The following MRAP2 variants were observed in gnomAD, a reference collection of about 807,000 sequenced individuals.
MRAP2 encodes melanocortin-2 receptor accessory protein 2.
A neutral mutation model predicts 17.4 loss-of-function variants in MRAP2; 20 were observed. That is an observed-to-expected ratio of 1.15 (90% CI 0.81 to 1.67). The LOEUF is 1.67. Among genes scored for constraint, MRAP2 ranks in the 40% most tolerant of loss-of-function variants. MRAP2 has a pLI of 0.00. For missense variants in MRAP2, 238 were observed against 240.0 expected, an observed-to-expected ratio of 0.99 and a Z score of 0.05; for synonymous variants, 96 against 88.4, an observed-to-expected ratio of 1.09 and a Z score of -0.48.
chr6:84,111,987 G>A, the MRAP2 span, among the ~76,000 whole-genome samples: 6 of 152,302 alleles, frequency 3.9e-5, no homozygotes, highest in East Asian at 1.2e-3. Flanking sequence ...TTTCTGATGT[G>A]CTGCTGGATT....
At chr6:84,037,429 C>T (rs370850834) in intron 1 of MRAP2, among the ~76,000 whole-genome samples, 2,643 of 152,342 alleles carry the variant, frequency 0.017, 49 homozygotes, top group African/African-American at 0.045. Flanking sequence ...GTGGATCCCA[C>T]GCCAGGGCCA....
In MRAP2 at chr6:84,057,660, G is replaced by T. The variant is rs139578713; in HGVS notation, c.127+2215G>T. ...TATATTTATTGAGCACCTGTTATGT[G>T]CAGTACTATTTTAAGCACTGGAGAG... On this transcript the variant is annotated intron_variant, in intron 2 of 3. Transcript: ENST00000257776. 1.6e-3 allele frequency among the ~76,000 whole-genome samples: 238 copies of T among 152,254 alleles called. 1 individual carries two copies. The highest frequency in any genetic ancestry group is 5.4e-3 in the African/African-American group (223 of 41,542).
Position 84,089,160 on chromosome 6 carries a change from G to A in MRAP2, c.297G>A (p.Glu99=). Residue 99 remains glutamate, a synonymous_variant, in exon 4 of 4, where the codon GAG becomes GAA. Transcript: ENST00000257776. ...SFVSDFGRPL[E]PDKVFSRQGN... ...TGTCAGACTTTGGAAGACCTCTGGA[G>A]CCAGATAAAGTATTTTCTCGCCAAG... 6.8e-6 allele frequency: 11 copies of A among 1,614,186 alleles called. No individual in the cohort carries two copies. Among genetic ancestry groups the A allele is most frequent in the Non-Finnish European group, 8.5e-6 (10 of 1,180,038 alleles).
chr6:84,042,706 C>G (rs1423413473), intron 1 of MRAP2, among the ~76,000 whole-genome samples: 13 of 152,166 alleles, frequency 8.5e-5, no homozygotes, highest in Admixed American at 8.5e-4. Flanking sequence ...CCCTTGCACC[C>G]CAAACTCTGG....
intron 1 of MRAP2, chr6:84,045,107 T>G (rs1017592371): frequency 2.2e-6 from 1 of 461,520 alleles, no homozygotes; most frequent in African/African-American, 2.1e-5. Context: ...ATGCAAATAC[T>G]ACACCATTTT....
At chr6:84,053,452 AT>A (rs765729422) in intron 1 of MRAP2, among the ~76,000 whole-genome samples, 3 of 152,044 alleles carry the variant, frequency 2.0e-5, no homozygotes, top group Non-Finnish European at 4.4e-5. Context: ...CCTTTAAGTA[AT>A]TTTTTGTCAT....
intron 3 of MRAP2, among the ~76,000 whole-genome samples, chr6:84,078,166 C>T (rs1481289542): frequency 6.6e-6 from 1 of 152,122 alleles, no homozygotes; most frequent in Non-Finnish European, 1.5e-5. Context: ...AACCCCTGCT[C>T]ATCAAAAGAC....
At chr6:84,145,900 ACTC>A in the MRAP2 span, among the ~76,000 whole-genome samples, 1 of 152,084 alleles carries the variant, frequency 6.6e-6, no homozygotes, top group East Asian at 1.9e-4. Flanking sequence ...TATACAGACT[ACTC>A]CTACCATTAA....
chr6:84,045,982 A>C (rs1392517123), intron 1 of MRAP2, among the ~76,000 whole-genome samples: 1 of 152,090 alleles, frequency 6.6e-6, no homozygotes, highest in Non-Finnish European at 1.5e-5. Flanking sequence ...TTTGTTTGTA[A>C]AGGGGGTGAG....
rs1309628159 is a variant in MRAP2, at chr6:84,062,830, T to G, written c.128-63T>G. 1.9e-6 allele frequency: 3 copies of G among 1,608,198 alleles called. No homozygotes were observed. The Admixed American group carries it at 5.0e-5, about 27-fold the overall frequency. On this transcript the variant is annotated intron_variant, in intron 2 of 3. Transcript: ENST00000257776. ...CCAAAGCCTCTCCAAAAAGCTCTGATTCTTGAATGTTCAAGTTTTAAACTA... is the reference window on the plus strand; with the variant it reads ...CCAAAGCCTCTCCAAAAAGCTCTGAGTCTTGAATGTTCAAGTTTTAAACTA...
intron 3 of MRAP2, among the ~76,000 whole-genome samples, chr6:84,064,107 G>A (rs1162858280): frequency 6.6e-6 from 1 of 151,514 alleles, no homozygotes; most frequent in African/African-American, 2.4e-5. Flanking sequence ...GGACAGGGAA[G>A]AGGGCAACTA....
At chr6:84,141,340 T>C in the MRAP2 span, among the ~76,000 whole-genome samples, 1 of 152,132 alleles carries the variant, frequency 6.6e-6, no homozygotes, top group African/African-American at 2.4e-5. Context: ...AAAGAGGGCA[T>C]AAAAGAGTGT....
At chr6:84,071,520 C>A (rs1205505068) in intron 3 of MRAP2, among the ~76,000 whole-genome samples, 2 of 152,086 alleles carry the variant, frequency 1.3e-5, no homozygotes, top group African/African-American at 4.8e-5. Flanking sequence ...AGATTCTTTC[C>A]TTTGTCTTAA....
the MRAP2 span, among the ~76,000 whole-genome samples, chr6:84,145,133 T>C: frequency 1.3e-5 from 2 of 152,120 alleles, no homozygotes; most frequent in Non-Finnish European, 2.9e-5. Context: ...CTTGGTACCT[T>C]ACATACGAGG....
chr6:84,137,590 CTAA>C, the MRAP2 span, among the ~76,000 whole-genome samples: 2 of 151,666 alleles, frequency 1.3e-5, no homozygotes, highest in African/African-American at 4.8e-5. Context: ...AATGTATATC[CTAA>C]TAATAGAAAA....
At chr6:84,126,453 T>C in the MRAP2 span, 1 of 1,587,762 alleles carries the variant, frequency 6.3e-7, no homozygotes, top group East Asian at 2.3e-5. Context: ...CCACGAAATG[T>C]TTCATCTCTG....
the MRAP2 span, among the ~76,000 whole-genome samples, chr6:84,115,133 T>C: frequency 6.6e-6 from 1 of 152,344 alleles, no homozygotes; most frequent in African/African-American, 2.4e-5. Flanking sequence ...TCTTCAGAGC[T>C]GTCAGGGAGG....
chr6:84,112,495 T>G, the MRAP2 span, among the ~76,000 whole-genome samples: 1 of 152,268 alleles, frequency 6.6e-6, no homozygotes, highest in South Asian at 2.1e-4. Flanking sequence ...CTTCTCTCTC[T>G]TCTTCTTTAT....
rs766547269 is a variant in MRAP2, at chr6:84,062,899, T to C, written c.134T>C (p.Ile45Thr). The change falls in exon 3 of 4, where the codon ATT becomes ACT. Residue 45 changes from isoleucine (I) to threonine (T), a missense_variant. Ile to Thr is a moderately conservative substitution (Grantham distance 89, BLOSUM62 -1). Transcript: ENST00000257776. ...AGAATTAACTGTCTTTCAGATTCCATTGTGATTGGATTTTGGGTTGGTCTT... is the reference window on the plus strand; with the variant it reads ...AGAATTAACTGTCTTTCAGATTCCACTGTGATTGGATTTTGGGTTGGTCTT... The part of the protein sequence containing the change: ...FEGLKAHKYS[I>T]VIGFWVGLAV... 3 of 1,614,118 alleles carry C rather than the reference T, an allele frequency of 1.9e-6. No individual in the cohort carries two copies. The highest frequency in any genetic ancestry group is 1.3e-5 in the African/African-American group (1 of 75,052).
Sources: gnomAD v4.1 joint callset for allele counts (sites outside exome capture counted in the v4.1 genomes callset) on GRCh38, gnomAD v4.1.1 for gene constraint, MANE v1.5 for transcripts, NCBI Gene and HGNC (gene_info 2026-07-23, HGNC 2026-07-21) for gene names.